Variants in KCTD16 observed in about 807,000 individuals in gnomAD.
The protein encoded by KCTD16 is potassium channel tetramerization domain containing 16, also known as BTB/POZ domain-containing protein KCTD16.
KCTD16 carries 13 observed loss-of-function variants against 33.2 expected under a neutral mutation model. The ratio of observed to expected loss-of-function variants is 0.39; its 90% CI spans 0.25 to 0.62. The LOEUF (loss-of-function observed/expected upper bound fraction) is 0.62, where lower values mean the gene tolerates loss of function less well. Ranked by LOEUF, KCTD16 falls within the 20% of genes least tolerant of loss-of-function variation. KCTD16 has a pLI of 0.50. For missense variants in KCTD16, 441 were observed against 525.1 expected (o/e 0.84, Z 1.57); for synonymous variants, 197 against 195.3 (o/e 1.01, Z -0.07).
chr5:144,221,058 A>C (rs1222780802), intron 3 of KCTD16, among the ~76,000 whole-genome samples: 2 of 152,252 alleles, frequency 1.3e-5, no homozygotes. Context: ...GCTAAGTCAG[A>C]TTCCTTAGGT....
chr5:144,383,509 G>T (rs1752259674), intron 3 of KCTD16, among the ~76,000 whole-genome samples: 1 of 148,456 alleles, frequency 6.7e-6, no homozygotes, highest in Admixed American at 6.7e-5. Context: ...TGTTTCTGTA[G>T]CTGATTTGAA....
chr5:144,354,760 AT>A (rs1386879917), intron 3 of KCTD16, among the ~76,000 whole-genome samples: 1 of 152,208 alleles, frequency 6.6e-6, no homozygotes, highest in Non-Finnish European at 1.5e-5. Flanking sequence ...AATAAACTTT[AT>A]GTGTTAACTA....
At chr5:144,375,826 C>T (rs905054463) in intron 3 of KCTD16, among the ~76,000 whole-genome samples, 4 of 151,964 alleles carry the variant, frequency 2.6e-5, no homozygotes, top group Non-Finnish European at 4.4e-5. Context: ...TCCTTCCTTC[C>T]TTTCTTTTTT....
At position 144,481,663 on chromosome 5, in the gene KCTD16, ATTTG is replaced by A. The variant is rs1252826283; in HGVS notation, c.*7557_*7560del. ...CCCAGAAAGTTTAAATCGGTCATTTATTTGTTTGTTTATGCATATATCCAGCAAA... is the reference window on the plus strand; with the variant it reads ...CCCAGAAAGTTTAAATCGGTCATTTATTTGTTTATGCATATATCCAGCAAA... On this transcript the variant is annotated 3_prime_UTR_variant, in exon 4 of 4. Transcript: ENST00000512467. 1.3e-5 allele frequency: 2 copies of A among 151,892 alleles called. No homozygotes were observed. Among genetic ancestry groups the A allele is most frequent in the East Asian group, 1.9e-4 (1 of 5,158 alleles). The allele number at this position is 151,892 out of a possible 1,614,324, so 9.4% of individuals were successfully genotyped here.
intron 2 of KCTD16, among the ~76,000 whole-genome samples, chr5:144,201,694 A>T (rs1050493484): frequency 2.0e-5 from 3 of 152,246 alleles, no homozygotes; most frequent in Non-Finnish European, 1.5e-5. Flanking sequence ...ACAGCCAGCC[A>T]GGCAGAACTG....
intron 3 of KCTD16, among the ~76,000 whole-genome samples, chr5:144,235,975 A>G (rs543638470): frequency 4.3e-4 from 65 of 152,234 alleles, no homozygotes; most frequent in African/African-American, 1.5e-3. Context: ...GTTTATACGT[A>G]AGGGTCATTG....
At chr5:144,272,965 A>T (rs931470304) in intron 3 of KCTD16, among the ~76,000 whole-genome samples, 3 of 152,158 alleles carry the variant, frequency 2.0e-5, no homozygotes, top group African/African-American at 7.2e-5. Context: ...GCAACAAAAT[A>T]AAAAAATATA....
At chr5:144,259,424 G>A (rs74857528) in intron 3 of KCTD16, among the ~76,000 whole-genome samples, 3,091 of 152,178 alleles carry the variant, frequency 0.02, 44 homozygotes, top group Middle Eastern at 0.041. Flanking sequence ...GGCCTTGCAG[G>A]ATTTTGATGC....
In KCTD16 at chr5:144,483,303, G is replaced by C. The variant is rs1313878281; in HGVS notation, c.*9189G>C. 6.6e-6 allele frequency: 1 copy of C among 151,696 alleles called. No homozygotes were observed. Among genetic ancestry groups the C allele is most frequent in the Admixed American group, 6.6e-5 (1 of 15,216 alleles). The allele number at this position is 151,696 out of a possible 1,614,324, so 9.4% of individuals were successfully genotyped here. On this transcript the variant is annotated 3_prime_UTR_variant, in exon 4 of 4. Transcript: ENST00000512467. ...CCTATTGGTTAATTTATTATATCCTGGTTAATTTCACTTTATCACTGATGA... is the reference window on the plus strand; with the variant it reads ...CCTATTGGTTAATTTATTATATCCTCGTTAATTTCACTTTATCACTGATGA...
intron 3 of KCTD16, among the ~76,000 whole-genome samples, chr5:144,409,765 C>A (rs144299574): frequency 0.013 from 1,984 of 151,938 alleles, 52 homozygotes; most frequent in African/African-American, 0.046. Context: ...TGCAGTGAGC[C>A]GAGATCATGC....
At chr5:144,416,300 A>G (rs893747825) in intron 3 of KCTD16, among the ~76,000 whole-genome samples, 1 of 152,238 alleles carries the variant, frequency 6.6e-6, no homozygotes. Flanking sequence ...TGCCTTCATT[A>G]TTGAGTTCTT....
chr5:144,441,986 A>C (rs1753722211), intron 3 of KCTD16, among the ~76,000 whole-genome samples: 1 of 152,100 alleles, frequency 6.6e-6, no homozygotes, highest in South Asian at 2.1e-4. Context: ...AAAAAGTTTA[A>C]TATTTTTAAT....
chr5:144,350,967 A>G (rs771283140), intron 3 of KCTD16, among the ~76,000 whole-genome samples: 25 of 152,126 alleles, frequency 1.6e-4, no homozygotes, highest in Non-Finnish European at 3.1e-4. Context: ...GTAAAAACAC[A>G]TTAATTTGTA....
At chr5:144,199,794 G>T (rs559050964) in intron 2 of KCTD16, among the ~76,000 whole-genome samples, 2 of 127,626 alleles carry the variant, frequency 1.6e-5, no homozygotes, top group South Asian at 5.2e-4. Flanking sequence ...TTGGCTCATT[G>T]CAATCTCCGC....
chr5:144,188,312 T>A (rs1752769604), intron 2 of KCTD16, among the ~76,000 whole-genome samples: 1 of 152,226 alleles, frequency 6.6e-6, no homozygotes, highest in South Asian at 2.1e-4. Context: ...TAGGGAATCA[T>A]TAAGGCCGCA....
chr5:144,410,857 A>T (rs931790117), intron 3 of KCTD16, among the ~76,000 whole-genome samples: 1 of 152,212 alleles, frequency 6.6e-6, no homozygotes, highest in African/African-American at 2.4e-5. Context: ...TTCTTAAGGC[A>T]TCTAAATACA....
chr5:144,459,918 G>GC (rs2126991467), intron 3 of KCTD16, among the ~76,000 whole-genome samples: 1 of 130,288 alleles, frequency 7.7e-6, no homozygotes, highest in African/African-American at 2.9e-5. Context: ...TGCAAGATCC[G>GC]CCTCCCGGGT....
At chr5:144,349,562 A>G (rs1393478375) in intron 3 of KCTD16, among the ~76,000 whole-genome samples, 1 of 152,182 alleles carries the variant, frequency 6.6e-6, no homozygotes, top group Non-Finnish European at 1.5e-5. Flanking sequence ...GATGTCCAAT[A>G]TTAGGCAATT....
intron 3 of KCTD16, among the ~76,000 whole-genome samples, chr5:144,268,521 T>C (rs1029440152): frequency 1.3e-5 from 2 of 152,014 alleles, no homozygotes; most frequent in Admixed American, 1.3e-4. Flanking sequence ...CCCAGAAAAG[T>C]TTTAAAAAGA....
Sources: gnomAD v4.1 joint callset for allele counts (sites outside exome capture counted in the v4.1 genomes callset) on GRCh38, gnomAD v4.1.1 for gene constraint, MANE v1.5 for transcripts, NCBI Gene and HGNC (gene_info 2026-07-23, HGNC 2026-07-21) for gene names.